The following XPOT variants were observed in gnomAD, a reference collection of about 807,000 sequenced individuals.
XPOT encodes exportin-T.
XPOT carries 34 observed loss-of-function variants against 128.2 expected under a neutral mutation model. The observed-to-expected ratio is 0.27, with a 90% confidence interval of 0.20 to 0.35. XPOT has a LOEUF of 0.35. Among genes scored for constraint, XPOT ranks in the 10% least tolerant of loss-of-function variants. The probability of loss-of-function intolerance (pLI) is 1.00; values close to 1 mark genes in which losing one functional copy is unlikely to be tolerated. For synonymous variants in XPOT, 348 were observed against 394.3 expected (o/e 0.88, Z 1.39); for missense variants, 838 against 1,125.3 (o/e 0.74, Z 3.65).
intron 23 of XPOT, 65 bp downstream of exon 23, chr12:64,439,380 A>G: frequency 7.1e-7 from 1 of 1,409,566 alleles, no homozygotes; most frequent in Non-Finnish European, 1.0e-6. Context: ...TGCCTGTGAC[A>G]TTGTCGCTAG....
intron 23 of XPOT, among the ~76,000 whole-genome samples, chr12:64,443,803 A>G (rs949731751): frequency 6.6e-6 from 1 of 152,164 alleles, no homozygotes; most frequent in African/African-American, 2.4e-5. Context: ...TTTCAAAAAT[A>G]AAGATTTCAC....
chr12:64,406,792 T>C (rs2039987508), intron 1 of XPOT, among the ~76,000 whole-genome samples: 1 of 152,208 alleles, frequency 6.6e-6, no homozygotes, highest in Admixed American at 6.5e-5. Context: ...TTCAGGGGAA[T>C]GGACATCAGA....
At position 64,449,213 on chromosome 12, in the gene XPOT, T is replaced by C. The variant is rs949312804; in HGVS notation, c.*1082T>C. On this transcript the variant is annotated 3_prime_UTR_variant, in exon 25 of 25. Coordinates refer to ENST00000332707, the MANE Select transcript of XPOT (RefSeq NM_007235.6). The stretch of plus-strand genomic sequence containing the variant: ...CTCTCTCAAAAAAAAAAAAAAAGAA[T>C]TTAAAATCCCAATTTATTTTCTAAC... The C allele has an allele frequency of 4.8e-5, 7 of 147,178 alleles. No homozygotes were observed. The highest frequency in any genetic ancestry group is 1.8e-4 in the African/African-American group (7 of 39,742). The allele number at this position is 147,178 out of a possible 1,614,324, so 9.1% of individuals were successfully genotyped here. A position where few individuals can be genotyped will look rare whatever the true frequency, so the allele number is the denominator to read the frequency against.
In XPOT at chr12:64,421,704, G is replaced by GT. The variant is rs200198324; in HGVS notation, c.1080+244dup. 3.1e-3 allele frequency among the ~76,000 whole-genome samples: 458 copies of GT among 146,268 alleles called. 1 individual carries two copies. Among genetic ancestry groups the GT allele is most frequent in the African/African-American group, 8.5e-3 (342 of 40,118 alleles). ...GCTTCAGAGGTAGTTATAGGTTTAG[G>GT]TTTTTTTTTTTATTTTGAACCTGTC... On this transcript the variant is annotated intron_variant, in intron 9 of 24. Coordinates refer to ENST00000332707, the MANE Select transcript of XPOT (RefSeq NM_007235.6).
chr12:64,410,199 G>A, intron 2 of XPOT, 104 bp downstream of exon 2: 1 of 1,006,572 alleles, frequency 9.9e-7, no homozygotes, highest in Non-Finnish European at 1.5e-6. Context: ...GGGTAGAAAT[G>A]AACAGAAACA....
chr12:64,436,739 C>G (rs749560482), intron 22 of XPOT, among the ~76,000 whole-genome samples: 101 of 152,110 alleles, frequency 6.6e-4, no homozygotes, highest in Non-Finnish European at 1.2e-3. Flanking sequence ...CGCCACCACA[C>G]CTGGCTAATT....
At chr12:64,435,583 A>C (rs2040275823) in intron 21 of XPOT, 44 bp from the exon 22 acceptor site, 1 of 1,538,888 alleles carries the variant, frequency 6.5e-7, no homozygotes, top group Non-Finnish European at 8.8e-7. Context: ...GGATCACTAA[A>C]CAAGAATTGA....
chr12:64,427,949 C>A, intron 15 of XPOT, 102 bp from the exon 16 acceptor site: 1 of 749,686 alleles, frequency 1.3e-6, no homozygotes, highest in Non-Finnish European at 2.3e-6. Context: ...GACTAGCCTA[C>A]AACTGAACTT....
chr12:64,434,313 T>C (rs1286710783), intron 19 of XPOT, among the ~76,000 whole-genome samples, 194 bp from the exon 20 acceptor site: 1 of 152,224 alleles, frequency 6.6e-6, no homozygotes, highest in East Asian at 1.9e-4. Context: ...CAGTGTTTAA[T>C]GTTTAAACTT....
rs555729725 is a variant in XPOT, at chr12:64,435,001, A to AT, written c.2685+102dup. The AT allele has an allele frequency of 4.8e-3, 4,872 of 1,017,798 alleles. 7 individuals carry two copies. The highest frequency in any genetic ancestry group is 7.6e-3 in the South Asian group (440 of 57,896). 63.0% of individuals were successfully genotyped at this position (1,017,798 alleles called of 1,614,324 possible). ...AGGTTGATTATATTATGTTTCATTGATTTTTTTTTTAACTTAGTGATTTCA... is the reference window on the plus strand; with the variant it reads ...AGGTTGATTATATTATGTTTCATTGATTTTTTTTTTTAACTTAGTGATTTCA... On this transcript the variant is annotated intron_variant, in intron 21 of 24. Coordinates refer to ENST00000332707, the MANE Select transcript of XPOT (RefSeq NM_007235.6).
chr12:64,433,333 A>G (rs2040254728), intron 18 of XPOT, 81 bp from the exon 19 acceptor site: 1 of 1,322,242 alleles, frequency 7.6e-7, no homozygotes, highest in East Asian at 2.5e-5. Context: ...TAGAAAAGAA[A>G]GGCTTTATGT....
intron 1 of XPOT, chr12:64,409,734 CA>C (rs771015580): frequency 0.014 from 3,432 of 252,766 alleles, no homozygotes; most frequent in South Asian, 0.022. Context: ...GACTCCGTCT[CA>C]AAAAAAAAAA....
chr12:64,427,967 G>T lies in XPOT; in HGVS notation c.1668-84G>T. On this transcript the variant is annotated intron_variant, in intron 15 of 24. Coordinates refer to ENST00000332707, the MANE Select transcript of XPOT (RefSeq NM_007235.6). The stretch of plus-strand genomic sequence containing the variant: ...TAGCCTACAACTGAACTTTTTTTTA[G>T]TTCTGTCTTAAAGGGGGAATTTGGT... 8 of 917,856 alleles carry T rather than the reference G, an allele frequency of 8.7e-6. No homozygotes were observed. In the Admixed American group the frequency reaches 1.2e-4, roughly 14 times the overall value. The allele number at this position is 917,856 out of a possible 1,614,324, so 56.9% of individuals were successfully genotyped here.
chr12:64,440,426 T>A (rs2040315741), intron 23 of XPOT, among the ~76,000 whole-genome samples: 1 of 152,242 alleles, frequency 6.6e-6, no homozygotes, highest in Non-Finnish European at 1.5e-5. Flanking sequence ...AACATGGGAA[T>A]GCTAATATGT....
intron 4 of XPOT, among the ~76,000 whole-genome samples, chr12:64,417,529 CAAA>C (rs55993660): frequency 6.5e-5 from 7 of 107,070 alleles, no homozygotes; most frequent in Non-Finnish European, 1.0e-4. Flanking sequence ...GACCTTGTCT[CAAA>C]AAAAAAAAAA....
Position 64,408,614 on chromosome 12 carries a change from G to A in XPOT, c.-74-1348G>A, listed in dbSNP as rs74494140. Among the ~76,000 whole-genome samples, 818 of 152,092 alleles carry A rather than the reference G, an allele frequency of 5.4e-3. 10 individuals are homozygous for A. Among genetic ancestry groups the A allele is most frequent in the African/African-American group, 0.018 (745 of 41,488 alleles). ...GTGAAGAAGTGGATTACCTCTCAGA[G>A]ATTAAAAAAAATCCTTAAATAAGAG... On this transcript the variant is annotated intron_variant, in intron 1 of 24. Transcript: ENST00000332707.
At chr12:64,446,777 GCA>G (rs2136042784) in intron 24 of XPOT, among the ~76,000 whole-genome samples, 1 of 152,150 alleles carries the variant, frequency 6.6e-6, no homozygotes, top group Non-Finnish European at 1.5e-5. Context: ...TTTGCCTTAA[GCA>G]CAGCCTCCTT....
Position 64,448,226 on chromosome 12 carries a change from C to T in XPOT, c.*95C>T. 8.0e-7 allele frequency: 1 copy of T among 1,244,188 alleles called. No homozygotes were observed. Among genetic ancestry groups the T allele is most frequent in the Non-Finnish European group, 1.2e-6 (1 of 845,656 alleles). 77.1% of individuals were successfully genotyped at this position (1,244,188 alleles called of 1,614,324 possible). On this transcript the variant is annotated 3_prime_UTR_variant, in exon 25 of 25. Transcript: ENST00000332707. ...GTGCCATTCACACTGGTCTTTTTCA[C>T]ATTGTTTTGAGCTTATTGCAGTATA...
chr12:64,409,196 T>C (rs2040012142), intron 1 of XPOT, among the ~76,000 whole-genome samples: 1 of 152,212 alleles, frequency 6.6e-6, no homozygotes, highest in Admixed American at 6.5e-5. Flanking sequence ...TTCTAATGTT[T>C]TAAAGAAGGT....
Sources: allele counts gnomAD v4.1 joint callset (sites outside exome capture counted in the v4.1 genomes callset), GRCh38; gene constraint gnomAD v4.1.1; transcripts MANE v1.5; gene names NCBI Gene and HGNC (gene_info 2026-07-23, HGNC 2026-07-21).